LDB3: variants seen among roughly 807,000 people sequenced by gnomAD.
LDB3 encodes LIM domain binding 3.
LDB3 carries 49 observed loss-of-function variants against 69.0 expected under a neutral mutation model. That is an observed-to-expected ratio of 0.71 (90% CI 0.56 to 0.90). LDB3 has a LOEUF of 0.90. Among genes scored for constraint, LDB3 ranks in the 40% least tolerant of loss-of-function variants. The probability of loss-of-function intolerance (pLI) is 0.00; values close to 1 mark genes in which losing one functional copy is unlikely to be tolerated. For synonymous variants in LDB3, 387 were observed against 396.2 expected (o/e 0.98, Z 0.28); for missense variants, 928 against 974.1 (o/e 0.95, Z 0.63).
chr10:86,666,883 G>A (rs752002483), upstream of LDB3: 1 of 469,496 alleles, frequency 2.1e-6, no homozygotes, highest in South Asian at 1.6e-5. Flanking sequence ...CCCTGAGGGT[G>A]GGTGCCTTCC....
Position 86,716,490 on chromosome 10 carries a change from T to G in LDB3, c.1395T>G (p.Pro465=). 6.5e-7 allele frequency: 1 copy of G among 1,529,006 alleles called. No individual in the cohort carries two copies. The highest frequency in any genetic ancestry group is 8.9e-7 in the Non-Finnish European group (1 of 1,128,538). 94.7% of individuals were successfully genotyped at this position (1,529,006 alleles called of 1,614,324 possible). ...PSPAPAYTPS[P]APNYNPAPSV... is the part of the protein sequence containing the mutation. The stretch of plus-strand genomic sequence containing the variant: ...CAGCACCAGCCTATACCCCCTCACC[T>G]GCCCCCAACTATAACCCTGCACCCT... Residue 465 remains proline (P), a synonymous_variant, in exon 10 of 14, where the codon CCT becomes CCG. Coordinates refer to ENST00000361373, the MANE Select transcript of LDB3 (RefSeq NM_007078.3).
intron 5 of LDB3, among the ~76,000 whole-genome samples, chr10:86,684,996 G>A (rs891147333): frequency 2.0e-5 from 3 of 152,186 alleles, no homozygotes; most frequent in Non-Finnish European, 2.9e-5. Flanking sequence ...TTCTCCCTGC[G>A]CCTGCTCGCT....
intron 4 of LDB3, among the ~76,000 whole-genome samples, chr10:86,680,756 G>A (rs1037535757): frequency 6.6e-6 from 1 of 152,198 alleles, no homozygotes; most frequent in East Asian, 1.9e-4. Context: ...CCAAGGCCCC[G>A]CCAAGCAGCT....
intron 9 of LDB3, among the ~76,000 whole-genome samples, chr10:86,714,479 C>G (rs1036353248): frequency 2.0e-5 from 3 of 151,870 alleles, no homozygotes; most frequent in Non-Finnish European, 2.9e-5. Context: ...ATGTGAAGAC[C>G]GATTCAGATG....
chr10:86,713,337 C>T (rs772902787), intron 9 of LDB3, among the ~76,000 whole-genome samples: 24 of 152,180 alleles, frequency 1.6e-4, no homozygotes, highest in Non-Finnish European at 2.8e-4. Context: ...ACCTCCACCT[C>T]CCGGGTTCAA....
intron 2 of LDB3, among the ~76,000 whole-genome samples, chr10:86,679,082 T>A (rs1331913649): frequency 1.3e-5 from 2 of 152,192 alleles, no homozygotes; most frequent in Non-Finnish European, 2.9e-5. Context: ...ATCACAAGGA[T>A]GGTTGCTAGA....
intron 12 of LDB3, among the ~76,000 whole-genome samples, chr10:86,722,211 G>A (rs1031841593): frequency 3.9e-5 from 6 of 152,228 alleles, no homozygotes; most frequent in Non-Finnish European, 7.3e-5. Context: ...ACAGAAAAAT[G>A]AATCAGTGGG....
intron 7 of LDB3, 24 bp downstream of exon 7, chr10:86,692,595 G>T: frequency 6.2e-7 from 1 of 1,611,844 alleles, no homozygotes; most frequent in African/African-American, 1.3e-5. Context: ...CTCAGGCTCT[G>T]TGGCCTTGCC....
chr10:86,674,914 C>T (rs1363586170), intron 2 of LDB3, among the ~76,000 whole-genome samples: 1 of 152,068 alleles, frequency 6.6e-6, no homozygotes, highest in Non-Finnish European at 1.5e-5. Flanking sequence ...TGAAGGCATC[C>T]GATGGCTCCT....
intron 13 of LDB3, among the ~76,000 whole-genome samples, chr10:86,726,933 A>G (rs768868747): frequency 6.6e-6 from 1 of 151,886 alleles, no homozygotes; most frequent in Non-Finnish European, 1.5e-5. Flanking sequence ...ACAGACATTT[A>G]GACTCTGAAG....
At chr10:86,671,777 A>G (rs1844493960) in intron 2 of LDB3, among the ~76,000 whole-genome samples, 2 of 152,194 alleles carry the variant, frequency 1.3e-5, no homozygotes, top group Admixed American at 6.5e-5. Context: ...TCACCTCAGA[A>G]GTCTGTTTAC....
At position 86,681,347 on chromosome 10, in the gene LDB3, T is replaced by A. The variant is rs927380260; in HGVS notation, c.322-89T>A. The A allele has an allele frequency of 9.5e-6, 15 of 1,574,712 alleles. No individual in the cohort carries two copies. In the African/African-American group the frequency reaches 1.9e-4, roughly 20 times the overall value. On this transcript the variant is annotated intron_variant, in intron 4 of 13. Transcript: ENST00000361373. ...AGGCTGCGGGGCTCGCGCTAACACA[T>A]CTGTTTCAGGTCCACGCAGGAGCGC...
upstream of LDB3, chr10:86,668,340 C>T: frequency 2.6e-6 from 1 of 381,146 alleles, no homozygotes; most frequent in South Asian, 2.3e-5. Flanking sequence ...CCTTCCTCCC[C>T]CCTGGGGGGT....
intron 7 of LDB3, among the ~76,000 whole-genome samples, chr10:86,696,751 C>T (rs1433297022): frequency 6.6e-6 from 1 of 152,146 alleles, no homozygotes; most frequent in Non-Finnish European, 1.5e-5. Flanking sequence ...CTCAAGGAGC[C>T]CCACCACATG....
At position 86,699,388 on chromosome 10, in the gene LDB3, AT is replaced by A; in HGVS notation, c.896+6818del. The A allele has an allele frequency of 6.2e-7, 1 of 1,613,372 alleles. No homozygotes were observed. Among genetic ancestry groups the A allele is most frequent in the Non-Finnish European group, 8.5e-7 (1 of 1,179,732 alleles). On this transcript the variant is annotated intron_variant, in intron 7 of 13. Coordinates refer to ENST00000361373, the MANE Select transcript of LDB3 (RefSeq NM_007078.3). The surrounding 1 kb of genome is among the most constrained non-coding windows in gnomAD (Gnocchi z 4.9). ...GTTAAAAGCTAAAAGGCTGCCTGGA[AT>A]CCCCCCACCCCAACAGGCTGGACTC...
At chr10:86,668,349 G>A (rs975987329), upstream of LDB3, 8 of 392,722 alleles carry the variant, frequency 2.0e-5, no homozygotes, top group Non-Finnish European at 3.9e-5. Context: ...CCCCTGGGGG[G>A]TGCTGGGTGC....
At position 86,717,016 on chromosome 10, in the gene LDB3, A is replaced by C. The variant is rs116015322; in HGVS notation, c.1676+245A>C. 0.012 allele frequency among the ~76,000 whole-genome samples: 1,800 copies of C among 152,336 alleles called. 36 individuals are homozygous for C. The highest frequency in any genetic ancestry group is 0.04 in the African/African-American group (1,676 of 41,576). Reference sequence around the variant, plus strand: ...TGAGGTATGTGGGTGAAGCTCCAGCAGGATGCCTGGTGCCAGGAACTCCCC... The same window carrying C: ...TGAGGTATGTGGGTGAAGCTCCAGCCGGATGCCTGGTGCCAGGAACTCCCC... On this transcript the variant is annotated intron_variant, in intron 10 of 13. Transcript: ENST00000361373.
chr10:86,698,900 A>C (rs1846128233), intron 7 of LDB3, among the ~76,000 whole-genome samples: 1 of 152,106 alleles, frequency 6.6e-6, no homozygotes, highest in Non-Finnish European at 1.5e-5. Context: ...GAGAGCTCAC[A>C]GCCAAAGCAG....
At chr10:86,695,592 C>A (rs1845960529) in intron 7 of LDB3, among the ~76,000 whole-genome samples, 1 of 152,268 alleles carries the variant, frequency 6.6e-6, no homozygotes. Flanking sequence ...CTTCTGCCTA[C>A]TTCCACATGG....
Sources: allele counts gnomAD v4.1 joint callset (sites outside exome capture counted in the v4.1 genomes callset), GRCh38; gene constraint gnomAD v4.1.1; non-coding constraint Gnocchi (gnomAD v3.1); transcripts MANE v1.5; gene names NCBI Gene and HGNC (gene_info 2026-07-23, HGNC 2026-07-21).